Variants in AIG1 observed in about 807,000 individuals in gnomAD.
AIG1 encodes androgen induced 1.
Under a neutral mutation model 31.4 loss-of-function variants are expected in AIG1, and 23 were observed. The ratio of observed to expected loss-of-function variants is 0.73; its 90% CI spans 0.53 to 1.04. The LOEUF (loss-of-function observed/expected upper bound fraction) is 1.04. AIG1 is among the 50% of genes least tolerant of loss of function. The pLI is 0.00. For missense variants in AIG1, 274 were observed against 295.0 expected (o/e 0.93, Z 0.52); for synonymous variants, 100 against 110.5 (o/e 0.90, Z 0.60).
chr6:143,188,445 A>C, intron 3 of AIG1: 3 of 985,326 alleles, frequency 3.0e-6, no homozygotes, highest in Non-Finnish European at 3.6e-6. Context: ...CTTTAACCTT[A>C]TTTGGAAGTC....
intron 3 of AIG1, among the ~76,000 whole-genome samples, chr6:143,197,875 C>T (rs980963093): frequency 1.3e-5 from 2 of 152,134 alleles, no homozygotes; most frequent in African/African-American, 4.8e-5. Context: ...CTAAGTGGGC[C>T]ATATGATCTT....
rs1004657570 is a variant in AIG1, at chr6:143,137,126, C to T, written c.297+136C>T. 29 of 947,966 alleles carry T rather than the reference C, an allele frequency of 3.1e-5. No homozygotes were observed. In the Admixed American group the frequency reaches 9.0e-4, roughly 29 times the overall value. The allele number at this position is 947,966 out of a possible 1,614,324, so 58.7% of individuals were successfully genotyped here. A position where few individuals can be genotyped will look rare whatever the true frequency, so the allele number is the denominator to read the frequency against. On this transcript the variant is annotated intron_variant, in intron 2 of 5. Coordinates refer to ENST00000357847, the MANE Select transcript of AIG1 (RefSeq NM_016108.4). ...GCTGGAGCTGTCAGTACCACAGATG[C>T]GGTGGCTTAAACAACAAACATTTAT...
rs1428764869 is a variant in AIG1 at position 143,291,693 on chromosome 6, T to C, written c.515+7468T>C. Reference sequence around the variant, plus strand: ...CTTCAGGGTCTTAGAGTGCATGGAATAAATAAGTAAACCCCCCTCCCATTC... The same window carrying C: ...CTTCAGGGTCTTAGAGTGCATGGAACAAATAAGTAAACCCCCCTCCCATTC... On this transcript the variant is annotated intron_variant, in intron 4 of 5. Transcript: ENST00000357847. This position sits in a 1 kb window ranked among gnomAD's most constrained non-coding sequence, Gnocchi z 4.2. 6.6e-6 allele frequency among the ~76,000 whole-genome samples: 1 copy of C among 152,090 alleles called. No individual in the cohort carries two copies. The highest frequency in any genetic ancestry group is 1.5e-5 in the Non-Finnish European group (1 of 68,020).
chr6:143,109,155 G>A (rs74953146), intron 1 of AIG1, among the ~76,000 whole-genome samples: 2,699 of 152,204 alleles, frequency 0.018, 43 homozygotes, highest in Non-Finnish European at 0.024. Context: ...GTGCGTCTGT[G>A]AGGTTCATTC....
chr6:143,246,695 G>A (rs1232855578), intron 3 of AIG1, among the ~76,000 whole-genome samples: 5 of 152,186 alleles, frequency 3.3e-5, no homozygotes, highest in Non-Finnish European at 7.3e-5. Flanking sequence ...CTTACATACC[G>A]TGTAATGTTC....
chr6:143,107,247 T>C (rs1252194127), intron 1 of AIG1, among the ~76,000 whole-genome samples: 1 of 152,168 alleles, frequency 6.6e-6, no homozygotes, highest in Non-Finnish European at 1.5e-5. Flanking sequence ...TTGATTAAGA[T>C]TTTCTTGAGA....
In AIG1 at chr6:143,292,021, G is replaced by A. The variant is rs1798094720; in HGVS notation, c.515+7796G>A. Among the ~76,000 whole-genome samples the A allele has an allele frequency of 6.6e-6, 1 of 152,148 alleles. No individual in the cohort carries two copies. The highest frequency in any genetic ancestry group is 1.5e-5 in the Non-Finnish European group (1 of 68,024). On this transcript the variant is annotated intron_variant, in intron 4 of 5. Transcript: ENST00000357847. The surrounding 1 kb of genome is among the most constrained non-coding windows in gnomAD (Gnocchi z 4.9). ...AAGAAATCCTGATAAGAGATGAAGT[G>A]GCCTGGACCCTGGTGGTAGAAATGG...
chr6:143,229,925 C>T (rs535762624), intron 3 of AIG1, among the ~76,000 whole-genome samples: 58 of 152,010 alleles, frequency 3.8e-4, no homozygotes, highest in African/African-American at 1.3e-3. Context: ...ACATCAGATT[C>T]GATGGGACAT....
At chr6:143,135,936 G>A (rs1172898494) in intron 1 of AIG1, among the ~76,000 whole-genome samples, 1 of 152,172 alleles carries the variant, frequency 6.6e-6, no homozygotes, top group Non-Finnish European at 1.5e-5. Context: ...GTATGACTTT[G>A]TGTGCAGGGG....
At position 143,112,044 on chromosome 6, in the gene AIG1, A is replaced by C. The variant is rs150555221; in HGVS notation, c.142-24791A>C. On this transcript the variant is annotated intron_variant, in intron 1 of 5. Transcript: ENST00000357847. ...ACTACTTCTCTATTTAAAACTCTAC[A>C]GTGGTTCTATTTTTCCTTCAGCACA... 6.2e-3 allele frequency among the ~76,000 whole-genome samples: 941 copies of C among 152,284 alleles called. 13 individuals carry two copies. Among genetic ancestry groups the C allele is most frequent in the African/African-American group, 0.018 (763 of 41,556 alleles).
In AIG1 at chr6:143,090,946, A is replaced by G. The variant is rs142727950; in HGVS notation, c.141+29880A>G. ...AGAACTTCTTTCACAATTGTTGTCA[A>G]TCCTCTCAGATCCTGCTGCTGCTTT... On this transcript the variant is annotated intron_variant, in intron 1 of 5. Coordinates refer to ENST00000357847, the MANE Select transcript of AIG1 (RefSeq NM_016108.4). 1.7e-4 allele frequency among the ~76,000 whole-genome samples: 26 copies of G among 151,666 alleles called. No homozygotes were observed. In the East Asian group the frequency reaches 3.9e-3, roughly 22 times the overall value.
intron 1 of AIG1, among the ~76,000 whole-genome samples, chr6:143,119,289 G>A (rs1782040864): frequency 6.6e-6 from 1 of 152,138 alleles, no homozygotes; most frequent in Non-Finnish European, 1.5e-5. Context: ...ACCTTGCGGT[G>A]CATCTCTTTA....
chr6:143,089,316 A>G (rs1779092901), intron 1 of AIG1, among the ~76,000 whole-genome samples: 1 of 152,150 alleles, frequency 6.6e-6, no homozygotes, highest in Non-Finnish European at 1.5e-5. Flanking sequence ...TGAGGAATAT[A>G]TTAGACTTTA....
intron 3 of AIG1, among the ~76,000 whole-genome samples, chr6:143,176,498 C>T (rs1788173272): frequency 6.6e-6 from 1 of 151,884 alleles, no homozygotes; most frequent in Non-Finnish European, 1.5e-5. Context: ...TGAGCTCAGA[C>T]TCTTCTTCGG....
intron 3 of AIG1, among the ~76,000 whole-genome samples, chr6:143,231,178 A>G (rs1301555916): frequency 2.0e-5 from 3 of 152,254 alleles, no homozygotes; most frequent in South Asian, 2.1e-4. Context: ...CTCACAGTGC[A>G]TAGCAAGTGT....
At chr6:143,128,639 T>C (rs1268725289) in intron 1 of AIG1, among the ~76,000 whole-genome samples, 3 of 152,236 alleles carry the variant, frequency 2.0e-5, no homozygotes, top group Non-Finnish European at 4.4e-5. Flanking sequence ...GATCCACTTG[T>C]GCATCTCCAT....
At chr6:143,207,432 A>G (rs1791206026) in intron 3 of AIG1, among the ~76,000 whole-genome samples, 1 of 152,074 alleles carries the variant, frequency 6.6e-6, no homozygotes, top group Non-Finnish European at 1.5e-5. Flanking sequence ...TTTGTAAGAA[A>G]CTGTGTTTAC....
chr6:143,296,573 C>G lies in AIG1; in HGVS notation c.515+12348C>G, dbSNP rs142174235. Among the ~76,000 whole-genome samples, 359 of 152,096 alleles carry G rather than the reference C, an allele frequency of 2.4e-3. 3 individuals are homozygous for G. The highest frequency in any genetic ancestry group is 6.8e-3 in the Middle Eastern group (2 of 294). ...ACAGTAACTGAGAGGAAACCAGTCC[C>G]CAGGCATTTGTATCTCCCACAGCAC... On this transcript the variant is annotated intron_variant, in intron 4 of 5. Transcript: ENST00000357847.
chr6:143,141,811 C>A (rs1784267115), intron 2 of AIG1, among the ~76,000 whole-genome samples: 1 of 152,158 alleles, frequency 6.6e-6, no homozygotes, highest in Non-Finnish European at 1.5e-5. Context: ...TGTCTTTTGT[C>A]TCCTGTGAGT....
Sources: allele counts gnomAD v4.1 joint callset (sites outside exome capture counted in the v4.1 genomes callset), GRCh38; gene constraint gnomAD v4.1.1; non-coding constraint Gnocchi (gnomAD v3.1); transcripts MANE v1.5; gene names NCBI Gene and HGNC (gene_info 2026-07-23, HGNC 2026-07-21).